INSL4: variants seen among roughly 807,000 people sequenced by gnomAD.
INSL4 encodes early placenta insulin-like peptide.
A neutral mutation model predicts 6.5 loss-of-function variants in INSL4; 7 were observed. The observed-to-expected ratio is 1.08, with a 90% CI of 0.61 to 2.02. INSL4 has a LOEUF of 2.02. Ranked by LOEUF, INSL4 falls within the 30% of genes most tolerant of loss-of-function variation. The probability of loss-of-function intolerance (pLI) is 0.00; values close to 1 mark genes in which losing one functional copy is unlikely to be tolerated. For synonymous variants in INSL4, 82 were observed against 65.8 expected (o/e 1.25, Z -1.19); for missense variants, 226 against 163.2 (o/e 1.38, Z -2.09).
rs775458675 is a variant in INSL4 at position 5,231,572 on chromosome 9, A to G, written c.49A>G (p.Ser17Gly). 2 of 1,613,848 alleles carry G rather than the reference A, an allele frequency of 1.2e-6. No homozygotes were observed. Among genetic ancestry groups the G allele is most frequent in the Non-Finnish European group, 1.7e-6 (2 of 1,179,882 alleles). Reference sequence around the variant, plus strand: ...TCTGCCAGCAATCTGGCTGCTGCTGAGCCAACTCCTTAGAGAAAGCCTAGC... The same window carrying G: ...TCTGCCAGCAATCTGGCTGCTGCTGGGCCAACTCCTTAGAGAAAGCCTAGC... ...SYLPAIWLLL[S>G]QLLRESLAAE... Residue 17 changes from serine to glycine, a missense_variant, in exon 1 of 2, where the codon AGC (serine) becomes GGC (glycine). Transcript: ENST00000239316.
rs141709965 is a variant in INSL4, at chr9:5,232,396, T to A, written c.196+677T>A. On this transcript the variant is annotated intron_variant, in intron 1 of 1. Transcript: ENST00000239316. The stretch of plus-strand genomic sequence containing the variant: ...TCCCATTTCTTTGAATCTACTCTTG[T>A]AGTGTGTTGAGAGAGATGAGATGAA... 2.0e-3 allele frequency among the ~76,000 whole-genome samples: 305 copies of A among 152,172 alleles called. 2 individuals carry two copies. Among genetic ancestry groups the A allele is most frequent in the Admixed American group, 5.3e-3 (81 of 15,288 alleles).
Position 5,233,658 on chromosome 9 carries a change from G to A in INSL4, c.201G>A (p.Met67Ile). 6.2e-7 allele frequency: 1 copy of A among 1,611,056 alleles called. No homozygotes were observed. The change falls in exon 2 of 2, where the codon ATG becomes ATA. Residue 67 changes from methionine (M) to isoleucine (I), a missense_variant. By Grantham distance (10) the Met-to-Ile change is conservative. Transcript: ENST00000239316. ...TTCCTCTCTTTTACTTCACAGAAAT[G>A]GTGTCAACCTCCAACAACAAAGATG... Reference protein sequence around the residue: ...WLLESGRPKEMVSTSNNKDGQ... With the variant: ...WLLESGRPKEIVSTSNNKDGQ...
rs757002673 is a variant in INSL4, at chr9:5,231,695, C to A, written c.172C>A (p.Leu58Met). 1.5e-5 allele frequency: 24 copies of A among 1,613,564 alleles called. No homozygotes were observed. Among genetic ancestry groups the A allele is most frequent in the Non-Finnish European group, 1.9e-5 (22 of 1,179,758 alleles). Residue 58 changes from leucine to methionine, a missense_variant, in exon 1 of 2, where the codon CTG becomes ATG. Coordinates refer to ENST00000239316, the MANE Select transcript of INSL4 (RefSeq NM_002195.2). ...KTFTTTPGGW[L>M]LESGRPKEMV... ...ATTCACCACCACCCCAGGAGGGTGG[C>A]TGCTGGAATCTGGACGTCCCAAAGG...
rs1464370118 is a variant in INSL4, at chr9:5,231,730, T to C, written c.196+11T>C. On this transcript the variant is annotated intron_variant, in intron 1 of 1. Coordinates refer to ENST00000239316, the MANE Select transcript of INSL4 (RefSeq NM_002195.2). ...CTGGACGTCCCAAAGGTGAGAGCCC[T>C]GGACTACCAAACAATCAGAATGAGG... 1 of 1,611,670 alleles carries C rather than the reference T, an allele frequency of 6.2e-7. No homozygotes were observed. Among genetic ancestry groups the C allele is most frequent in the Non-Finnish European group, 8.5e-7 (1 of 1,178,418 alleles).
In INSL4 at chr9:5,233,905, T is replaced by C. The variant is rs752036003; in HGVS notation, c.*28T>C. The stretch of plus-strand genomic sequence containing the variant: ...GAGTAATCATGGACTGGACATCTCA[T>C]CCATTCTCATATGTATTCTCAATGA... On this transcript the variant is annotated 3_prime_UTR_variant, in exon 2 of 2. Transcript: ENST00000239316. 3.5e-6 allele frequency: 5 copies of C among 1,429,100 alleles called. No individual in the cohort carries two copies. The highest frequency in any genetic ancestry group is 4.9e-6 in the Non-Finnish European group (5 of 1,013,420). The allele number at this position is 1,429,100 out of a possible 1,614,324, so 88.5% of individuals were successfully genotyped here. A position where few individuals can be genotyped will look rare whatever the true frequency, so the allele number is the denominator to read the frequency against.
Position 5,233,828 on chromosome 9 carries a change from G to A in INSL4, c.371G>A (p.Cys124Tyr). Residue 124 changes from cysteine to tyrosine, a missense_variant, in exon 2 of 2, where the codon TGT becomes TAT. Coordinates refer to ENST00000239316, the MANE Select transcript of INSL4 (RefSeq NM_002195.2). ...RSGRHRFDPF[C>Y]CEVICDDGTS... ...GGACGTCACAGATTTGATCCATTCT[G>A]TTGTGAAGTAATTTGTGACGATGGA... 6.2e-7 allele frequency: 1 copy of A among 1,613,634 alleles called. No homozygotes were observed. The highest frequency in any genetic ancestry group is 8.5e-7 in the Non-Finnish European group (1 of 1,179,654).
At position 5,231,911 on chromosome 9, in the gene INSL4, G is replaced by C. The variant is rs10975017; in HGVS notation, c.196+192G>C. The stretch of plus-strand genomic sequence containing the variant: ...ATGGGAAGTTGGGGGTAGAGGAGAA[G>C]CTGCAGGAAAAACAGAAGAACAGCC... On this transcript the variant is annotated intron_variant, in intron 1 of 1. Transcript: ENST00000239316. Among the ~76,000 whole-genome samples the C allele has an allele frequency of 9.5e-3, 1,440 of 152,250 alleles. 21 individuals are homozygous for C. The highest frequency in any genetic ancestry group is 0.031 in the African/African-American group (1,282 of 41,556).
chr9:5,233,686 C>A lies in INSL4; in HGVS notation c.229C>A (p.Gln77Lys). 1 of 1,613,544 alleles carries A rather than the reference C, an allele frequency of 6.2e-7. No individual in the cohort carries two copies. Among genetic ancestry groups the A allele is most frequent in the East Asian group, 2.2e-5 (1 of 44,844 alleles). The part of the protein sequence containing the change: ...MVSTSNNKDG[Q>K]ALGTTSEFIP... ...GTCAACCTCCAACAACAAAGATGGA[C>A]AAGCCTTAGGTACGACATCAGAATT... Residue 77 changes from glutamine to lysine, a missense_variant, in exon 2 of 2, where the codon CAA becomes AAA. Physicochemically the swap from Gln to Lys is moderately conservative, Grantham distance 53. Transcript: ENST00000239316.
Position 5,234,068 on chromosome 9 carries a change from A to G in INSL4, c.*191A>G, listed in dbSNP as rs921696363. 1.8e-6 allele frequency: 1 copy of G among 554,450 alleles called. No homozygotes were observed. Among genetic ancestry groups the G allele is most frequent in the African/African-American group, 1.9e-5 (1 of 52,932 alleles). The allele number at this position is 554,450 out of a possible 1,614,324, so 34.3% of individuals were successfully genotyped here. A position where few individuals can be genotyped will look rare whatever the true frequency, so the allele number is the denominator to read the frequency against. On this transcript the variant is annotated 3_prime_UTR_variant, in exon 2 of 2. Transcript: ENST00000239316. ...AAGTTAGATAGATGGAATAAGTTCTAGTAGTTGATAGTACAATGGGGAAAT... is the reference window on the plus strand; with the variant it reads ...AAGTTAGATAGATGGAATAAGTTCTGGTAGTTGATAGTACAATGGGGAAAT...
Position 5,231,431 on chromosome 9 carries a change from A to G in INSL4, c.-93A>G. ...GCATGCAGAAAGCAGTCTGGAGCCC[A>G]GAAGGGACACACCAGCACAGTCTGG... On this transcript the variant is annotated 5_prime_UTR_variant, in exon 1 of 2. Coordinates refer to ENST00000239316, the MANE Select transcript of INSL4 (RefSeq NM_002195.2). 7.9e-7 allele frequency: 1 copy of G among 1,261,284 alleles called. No homozygotes were observed. Among genetic ancestry groups the G allele is most frequent in the East Asian group, 2.4e-5 (1 of 41,514 alleles). 78.1% of individuals were successfully genotyped at this position (1,261,284 alleles called of 1,614,324 possible).
intron 1 of INSL4, among the ~76,000 whole-genome samples, 164 bp downstream of exon 1, chr9:5,231,883 C>T (rs1323354453): frequency 6.6e-6 from 1 of 152,090 alleles, no homozygotes; most frequent in Non-Finnish European, 1.5e-5. Context: ...CACCAGAAAT[C>T]TCATGGGAAG....
chr9:5,232,753 T>A lies in INSL4; in HGVS notation c.197-901T>A, dbSNP rs16922848. Among the ~76,000 whole-genome samples, 1,516 of 152,298 alleles carry A rather than the reference T, an allele frequency of 1.0e-2. 17 individuals carry two copies. The highest frequency in any genetic ancestry group is 0.035 in the African/African-American group (1,451 of 41,564). ...AAAGCTAAGTTAAATTACTAAACATTGTTTTACATTTAATACAAATGACAC... is the reference window on the plus strand; with the variant it reads ...AAAGCTAAGTTAAATTACTAAACATAGTTTTACATTTAATACAAATGACAC... On this transcript the variant is annotated intron_variant, in intron 1 of 1. Coordinates refer to ENST00000239316, the MANE Select transcript of INSL4 (RefSeq NM_002195.2).
At position 5,234,218 on chromosome 9, in the gene INSL4, C is replaced by CA. The variant is rs1305088585; in HGVS notation, c.*342dup. ...CAATTACCCTGATTTGATCATTACA[C>CA]ATTATATACACGTATCAAAATATCA... On this transcript the variant is annotated 3_prime_UTR_variant, in exon 2 of 2. Transcript: ENST00000239316. The CA allele has an allele frequency of 2.9e-5, 7 of 244,368 alleles. No individual in the cohort carries two copies. Among genetic ancestry groups the CA allele is most frequent in the Admixed American group, 1.0e-4 (2 of 19,444 alleles). The allele number at this position is 244,368 out of a possible 1,614,324, so 15.1% of individuals were successfully genotyped here.
chr9:5,232,962 G>C (rs1385189177), intron 1 of INSL4, among the ~76,000 whole-genome samples: 3 of 152,052 alleles, frequency 2.0e-5, no homozygotes. Flanking sequence ...GTCAGAGCTT[G>C]TTTCATTTTA....
At chr9:5,232,917 C>T (rs1481926868) in intron 1 of INSL4, among the ~76,000 whole-genome samples, 6 of 152,080 alleles carry the variant, frequency 3.9e-5, no homozygotes, top group South Asian at 2.1e-4. Flanking sequence ...ATTTATATAA[C>T]GATTTCAAAG....
intron 1 of INSL4, 81 bp from the exon 2 acceptor site, chr9:5,233,573 T>C (rs1826179834): frequency 3.8e-6 from 4 of 1,048,296 alleles, no homozygotes; most frequent in East Asian, 2.5e-5. Flanking sequence ...CATTGTGGTC[T>C]AGGCAAATTG....
chr9:5,231,713 C>G lies in INSL4; in HGVS notation c.190C>G (p.Pro64Ala), dbSNP rs181295064. 1 of 1,613,390 alleles carries G rather than the reference C, an allele frequency of 6.2e-7. No homozygotes were observed. The highest frequency in any genetic ancestry group is 8.5e-7 in the Non-Finnish European group (1 of 1,179,594). ...PGGWLLESGR[P>A]KEMVSTSNNK... ...AGGGTGGCTGCTGGAATCTGGACGT[C>G]CCAAAGGTGAGAGCCCTGGACTACC... The change falls in exon 1 of 2, where the codon CCC becomes GCC. Residue 64 changes from proline (P) to alanine (A), a missense_variant. Transcript: ENST00000239316.
rs754200233 is a variant in INSL4, at chr9:5,231,521, A to C, written c.-3A>C. ...ACCCAGAACAGGAGAGTTCAGGTCC[A>C]GGATGGCCAGCCTGTTCCGGTCCTA... is the stretch of plus-strand genomic sequence containing the variant. On this transcript the variant is annotated 5_prime_UTR_variant, in exon 1 of 2. Coordinates refer to ENST00000239316, the MANE Select transcript of INSL4 (RefSeq NM_002195.2). The C allele has an allele frequency of 6.2e-7, 1 of 1,612,006 alleles. No individual in the cohort carries two copies. The highest frequency in any genetic ancestry group is 8.5e-7 in the Non-Finnish European group (1 of 1,179,376).
chr9:5,231,561 G>C lies in INSL4; in HGVS notation c.38G>C (p.Trp13Ser). Reference sequence around the variant, plus strand: ...TTCCGGTCCTATCTGCCAGCAATCTGGCTGCTGCTGAGCCAACTCCTTAGA... The same window carrying C: ...TTCCGGTCCTATCTGCCAGCAATCTCGCTGCTGCTGAGCCAACTCCTTAGA... ...SLFRSYLPAI[W>S]LLLSQLLRES... is the part of the protein sequence containing the mutation. The change falls in exon 1 of 2, where the codon TGG becomes TCG. Residue 13 changes from tryptophan (W) to serine (S), a missense_variant. Physicochemically the swap from Trp to Ser is radical, Grantham distance 177. Transcript: ENST00000239316. 1.9e-6 allele frequency: 3 copies of C among 1,613,658 alleles called. No homozygotes were observed. Among genetic ancestry groups the C allele is most frequent in the Non-Finnish European group, 2.5e-6 (3 of 1,179,846 alleles).
Sources: gnomAD v4.1 joint callset for allele counts (sites outside exome capture counted in the v4.1 genomes callset) on GRCh38, gnomAD v4.1.1 for gene constraint, MANE v1.5 for transcripts, NCBI Gene and HGNC (gene_info 2026-07-23, HGNC 2026-07-21) for gene names.